Variants in DOCK2 observed in about 807,000 individuals in gnomAD.
The protein encoded by DOCK2 is dedicator of cytokinesis protein 2.
DOCK2 carries 87 observed loss-of-function variants against 248.9 expected under a neutral mutation model. That is an observed-to-expected ratio of 0.35 (90% CI 0.29 to 0.42). The LOEUF is 0.42. DOCK2 is among the 10% of genes least tolerant of loss of function. The probability of loss-of-function intolerance (pLI) is 1.00; values close to 1 mark genes in which losing one functional copy is unlikely to be tolerated. For missense variants in DOCK2, 1,747 were observed against 2,300.2 expected (o/e 0.76, Z 4.92); for synonymous variants, 805 against 821.6 (o/e 0.98, Z 0.35).
rs763853547 is a variant in DOCK2 at position 169,695,787 on chromosome 5, G to A, written c.844-16G>A. ...TTCAGCACATGATGGTCAATTTTTT[G>A]TTTCTTTCCCCCCAGGATCTTGGAA... On this transcript the variant is annotated splice_polypyrimidine_tract_variant and intron_variant, in intron 9 of 51. Transcript: ENST00000520908. 7 of 1,609,240 alleles carry A rather than the reference G, an allele frequency of 4.3e-6. No homozygotes were observed. Among genetic ancestry groups the A allele is most frequent in the Non-Finnish European group, 5.9e-6 (7 of 1,178,604 alleles).
chr5:169,689,268 C>T lies in DOCK2; in HGVS notation c.778C>T (p.Arg260Ter). Residue 260 changes from arginine (R) to a stop codon, truncating the protein, a stop_gained, in exon 9 of 52, where the codon CGA becomes TGA. Transcript: ENST00000520908. LOFTEE classifies it high-confidence loss of function. ...QTVISENYLVRWGSRGFPKEI... is the reference protein window; with the variant it reads ...QTVISENYLV ...TTCCCACAGTGAGAACTACCTAGTG[C>T]GATGGGGCAGCCGGGGCTTCCCTAA... The T allele has an allele frequency of 1.9e-6, 3 of 1,614,054 alleles. No homozygotes were observed. Among genetic ancestry groups the T allele is most frequent in the Non-Finnish European group, 2.5e-6 (3 of 1,179,980 alleles).
In DOCK2 at chr5:169,712,189, T is replaced by C; in HGVS notation, c.1625T>C (p.Leu542Pro). The C allele has an allele frequency of 6.2e-7, 1 of 1,614,108 alleles. No individual in the cohort carries two copies. Among genetic ancestry groups the C allele is most frequent in the Non-Finnish European group, 8.5e-7 (1 of 1,179,948 alleles). Residue 542 changes from leucine (L) to proline (P), a missense_variant, in exon 17 of 52, where the codon CTA becomes CCA. Leu to Pro is a moderately conservative substitution (Grantham distance 98, BLOSUM62 -3). This residue lies in a region of DOCK2 where 858 missense variants were observed against 1,183.5 expected (regional missense o/e 0.72). Coordinates refer to ENST00000520908, the MANE Select transcript of DOCK2 (RefSeq NM_004946.3). The part of the protein sequence containing the change: ...VKLMKEDGTT[L>P]HDGFHDLVVL... ...CTGATGAAAGAAGATGGGACTACTC[T>C]ACACGATGGATTCCATGACTTAGTT...
At position 170,075,958 on chromosome 5, in the gene DOCK2, G is replaced by A. The variant is rs1364565732; in HGVS notation, c.4740G>A (p.Leu1580=). 1 of 1,613,980 alleles carries A rather than the reference G, an allele frequency of 6.2e-7. No individual in the cohort carries two copies. Among genetic ancestry groups the A allele is most frequent in the Non-Finnish European group, 8.5e-7 (1 of 1,180,018 alleles). Reference sequence around the variant, plus strand: ...CACTTTCTCTCCAGATCCCCTTCTTGGGAGCTGGGATTAAGATCCATGAGA... The same window carrying A: ...CACTTTCTCTCCAGATCCCCTTCTTAGGAGCTGGGATTAAGATCCATGAGA... ...KDLIAWQIPF[L]GAGIKIHEKR... The change falls in exon 47 of 52, where the codon TTG becomes TTA. Residue 1580 remains leucine (L), a synonymous_variant. Coordinates refer to ENST00000520908, the MANE Select transcript of DOCK2 (RefSeq NM_004946.3).
chr5:169,656,248 C>T (rs975497806), intron 2 of DOCK2, among the ~76,000 whole-genome samples: 3 of 151,948 alleles, frequency 2.0e-5, no homozygotes, highest in African/African-American at 4.8e-5. Context: ...GAAACAGGCA[C>T]GAGACCTCAC....
intron 4 of DOCK2, 21 bp downstream of exon 4, chr5:169,670,618 G>T (rs753768312): frequency 1.9e-6 from 3 of 1,613,560 alleles, no homozygotes; most frequent in Non-Finnish European, 2.5e-6. Flanking sequence ...TTCTTCACCA[G>T]ACTTGAGCCT....
rs758605329 is a variant in DOCK2, at chr5:170,019,033, G to T, written c.3306G>T (p.Glu1102Asp). Residue 1102 changes from glutamate to aspartate, a missense_variant, in exon 33 of 52, where the codon GAG (glutamate) becomes GAT (aspartate). Physicochemically the swap from Glu to Asp is conservative, Grantham distance 45. Transcript: ENST00000520908. ...ILEMTLIPEA[E>D]LRKATIPIFF... ...AGATGACACTTATCCCTGAGGCTGA[G>T]CTCCGGAAAGCCACCATACCAATCT... is the stretch of plus-strand genomic sequence containing the variant. The T allele has an allele frequency of 6.2e-7, 1 of 1,614,142 alleles. No homozygotes were observed. The highest frequency in any genetic ancestry group is 1.1e-5 in the South Asian group (1 of 91,088).
chr5:169,947,714 G>A (rs1158182517), intron 27 of DOCK2, among the ~76,000 whole-genome samples: 1 of 152,144 alleles, frequency 6.6e-6, no homozygotes, highest in Non-Finnish European at 1.5e-5. Flanking sequence ...GGGAATGGCG[G>A]GCTGTCAGCA....
intron 27 of DOCK2, among the ~76,000 whole-genome samples, chr5:169,910,432 C>T (rs891971970): frequency 6.6e-6 from 1 of 152,186 alleles, no homozygotes; most frequent in Non-Finnish European, 1.5e-5. Context: ...TGCTTACTCT[C>T]TTAACTTTTT....
intron 27 of DOCK2, among the ~76,000 whole-genome samples, chr5:169,847,645 CTATTCTCT>C (rs1770392288): frequency 1.3e-5 from 2 of 152,152 alleles, no homozygotes; most frequent in South Asian, 4.1e-4. Context: ...CTGACAATTC[CTATTCTCT>C]TTTTCTATCT....
At chr5:169,859,053 A>G (rs150330682) in intron 27 of DOCK2, among the ~76,000 whole-genome samples, 1 of 152,152 alleles carries the variant, frequency 6.6e-6, no homozygotes, top group African/African-American at 2.4e-5. Context: ...AAGAGATTGC[A>G]TGTGGGGAGA....
intron 26 of DOCK2, among the ~76,000 whole-genome samples, chr5:169,812,110 C>A (rs1005156644): frequency 3.3e-5 from 5 of 152,176 alleles, no homozygotes; most frequent in Non-Finnish European, 7.4e-5. Context: ...CTGTTAGGAA[C>A]CAGGCTTCAC....
chr5:169,760,571 T>G (rs1764430470), intron 24 of DOCK2, among the ~76,000 whole-genome samples: 2 of 152,254 alleles, frequency 1.3e-5, no homozygotes, highest in African/African-American at 4.8e-5. Context: ...CTCCTTCTCA[T>G]CCTTCAGACC....
At chr5:169,765,732 A>G (rs1764744156) in intron 25 of DOCK2, among the ~76,000 whole-genome samples, 1 of 152,202 alleles carries the variant, frequency 6.6e-6, no homozygotes, top group Admixed American at 6.5e-5. Context: ...AGAGGGAGAG[A>G]GAGAGACAGA....
chr5:169,864,179 T>G (rs1771387135), intron 27 of DOCK2: 4 of 1,165,640 alleles, frequency 3.4e-6, no homozygotes, highest in Non-Finnish European at 5.0e-6. Flanking sequence ...GCCCAGGGCC[T>G]TTGCAAAGAA....
In DOCK2 at chr5:170,081,911, C is replaced by T; in HGVS notation, c.5357C>T (p.Thr1786Ile). The change falls in exon 51 of 52, where the codon ACC becomes ATC. Residue 1786 changes from threonine (T) to isoleucine (I), a missense_variant. This residue lies in a region of DOCK2 where 513 missense variants were observed against 586.1 expected (regional missense o/e 0.88). Transcript: ENST00000520908. ...EANTSPRLSQ[T>I]FLQLSDGDKK... ...AACACATCTCCCCGCCTCAGCCAGA[C>T]CTTCCTCCAACTCTCAGATGGTGAC... is the stretch of plus-strand genomic sequence containing the variant. 1 of 1,614,166 alleles carries T rather than the reference C, an allele frequency of 6.2e-7. No individual in the cohort carries two copies. Among genetic ancestry groups the T allele is most frequent in the Non-Finnish European group, 8.5e-7 (1 of 1,180,040 alleles).
chr5:169,819,788 C>T (rs1001514360), intron 26 of DOCK2, among the ~76,000 whole-genome samples: 6 of 152,172 alleles, frequency 3.9e-5, no homozygotes, highest in African/African-American at 1.2e-4. Flanking sequence ...ACAGTGGGGG[C>T]AGCACACCGA....
At chr5:169,743,245 AT>A (rs1185738511) in intron 22 of DOCK2, among the ~76,000 whole-genome samples, 4 of 152,068 alleles carry the variant, frequency 2.6e-5, no homozygotes, top group African/African-American at 9.7e-5. Context: ...ACCCTTATGA[AT>A]TTTTTTCCTT....
intron 27 of DOCK2, chr5:169,883,206 G>A: frequency 6.4e-7 from 1 of 1,551,642 alleles, no homozygotes; most frequent in Non-Finnish European, 8.7e-7. Flanking sequence ...GGTGTATGGA[G>A]TTACTTACTT....
At chr5:170,042,966 G>A (rs1353629494) in intron 38 of DOCK2, among the ~76,000 whole-genome samples, 1 of 152,210 alleles carries the variant, frequency 6.6e-6, no homozygotes, top group Non-Finnish European at 1.5e-5. Context: ...TAATCACTGG[G>A]CATTCATAAA....
Sources: allele counts gnomAD v4.1 joint callset (sites outside exome capture counted in the v4.1 genomes callset), GRCh38; gene constraint gnomAD v4.1.1; regional missense constraint gnomAD v4.1.1; transcripts MANE v1.5; gene names NCBI Gene and HGNC (gene_info 2026-07-23, HGNC 2026-07-21).